SCN9A: variants seen among roughly 807,000 people sequenced by gnomAD.
The protein encoded by SCN9A is sodium voltage-gated channel alpha subunit 9.
A neutral mutation model predicts 187.0 loss-of-function variants in SCN9A; 131 were observed. That is an observed-to-expected ratio of 0.70 (90% CI 0.61 to 0.81). The LOEUF (loss-of-function observed/expected upper bound fraction) is 0.81. Among genes scored for constraint, SCN9A ranks in the 30% least tolerant of loss-of-function variants. The pLI, the probability that SCN9A is intolerant of heterozygous loss-of-function variation, is 0.00. For missense variants in SCN9A, 2,252 were observed against 2,396.6 expected, an observed-to-expected ratio of 0.94 and a Z score of 1.26; for synonymous variants, 809 against 808.6, an observed-to-expected ratio of 1.00 and a Z score of -0.01.
At chr2:166,293,430 C>A (rs758969902) in intron 8 of SCN9A, 58 bp from the exon 9 acceptor site, 349 of 1,434,796 alleles carry the variant, frequency 2.4e-4, no homozygotes, top group Admixed American at 1.5e-3. Context: ...AGCTAAATAG[C>A]CTTACTGAAA....
intron 21 of SCN9A, 42 bp from the exon 22 acceptor site, chr2:166,229,014 G>A (rs1227518758): frequency 6.0e-6 from 9 of 1,494,388 alleles, no homozygotes; most frequent in Non-Finnish European, 7.4e-6. Context: ...GGATTAGTAA[G>A]ATGTTAAATA....
intron 7 of SCN9A, 86 bp downstream of exon 7, chr2:166,303,004 A>T: frequency 9.4e-7 from 1 of 1,068,324 alleles, no homozygotes; most frequent in Non-Finnish European, 1.4e-6. Flanking sequence ...TGAAATGATT[A>T]AAATGAAAGC....
At chr2:166,302,290 G>C (rs1023394454) in intron 7 of SCN9A, 1 of 152,178 alleles carries the variant, frequency 6.6e-6, no homozygotes, top group Non-Finnish European at 1.5e-5. Flanking sequence ...GTTCCAGTGA[G>C]AGACACCATG....
chr2:166,303,039 A>G, intron 7 of SCN9A, 51 bp downstream of exon 7: 1 of 1,262,090 alleles, frequency 7.9e-7, no homozygotes, highest in Non-Finnish European at 1.1e-6. Context: ...AAAAGAGAGC[A>G]ATGTTTTTAG....
chr2:166,244,984 T>TA (rs1423249008), intron 18 of SCN9A, among the ~76,000 whole-genome samples: 1 of 148,386 alleles, frequency 6.7e-6, no homozygotes, highest in Non-Finnish European at 1.5e-5. Flanking sequence ...GCACAAAAAT[T>TA]AAAAAATATC....
intron 3 of SCN9A, 23 bp downstream of exon 3, chr2:166,306,933 T>C (rs751159961): frequency 7.4e-7 from 1 of 1,347,726 alleles, no homozygotes. Flanking sequence ...TGCCACTGGA[T>C]GTAATCATTT....
At chr2:166,241,580 C>A (rs538507615) in intron 19 of SCN9A, among the ~76,000 whole-genome samples, 1 of 152,096 alleles carries the variant, frequency 6.6e-6, no homozygotes, top group Non-Finnish European at 1.5e-5. Context: ...TGCCTCCTTA[C>A]GATTGTATAC....
chr2:166,303,844 T>C (rs1438597443), intron 6 of SCN9A, among the ~76,000 whole-genome samples: 1 of 152,186 alleles, frequency 6.6e-6, no homozygotes, highest in Admixed American at 6.5e-5. Context: ...CAAGTTGAGA[T>C]GTGAGCCAAG....
chr2:166,284,488 C>T lies in SCN9A; in HGVS notation c.1939G>A (p.Glu647Lys), dbSNP rs757785030. 1 of 1,613,974 alleles carries T rather than the reference C, an allele frequency of 6.2e-7. No homozygotes were observed. The highest frequency in any genetic ancestry group is 1.3e-5 in the African/African-American group (1 of 75,048). The change falls in exon 12 of 27, where the codon GAG becomes AAG. Residue 647 changes from glutamate (E) to lysine (K), a missense_variant. By Grantham distance (56) the Glu-to-Lys change is moderately conservative (BLOSUM62 1). Around this residue, in one of 7 missense-constraint regions of SCN9A, gnomAD observed 1,013 missense variants for 997.4 expected, o/e 1.02. Coordinates refer to ENST00000642356, the MANE Select transcript of SCN9A (RefSeq NM_001365536.1). ...GAAGTTGCCTTATCTATTATCACCT[C>T]TGGCAGAAGCTGTCCATTGGGGAGC... ...LMLPNGQLLP[E>K]VIIDKATSDD...
intron 9 of SCN9A, among the ~76,000 whole-genome samples, chr2:166,290,417 G>A (rs184548053): frequency 1.6e-4 from 24 of 152,008 alleles, no homozygotes; most frequent in Middle Eastern, 3.4e-3. Flanking sequence ...ATTTATATTC[G>A]TTTCGGTATA....
At chr2:166,317,665 T>A (rs1331538645) in intron 1 of SCN9A, among the ~76,000 whole-genome samples, 1 of 152,214 alleles carries the variant, frequency 6.6e-6, no homozygotes, top group Non-Finnish European at 1.5e-5. Context: ...AAATATCATA[T>A]CATGTATTTG....
intron 17 of SCN9A, among the ~76,000 whole-genome samples, chr2:166,253,585 T>C (rs1002903119): frequency 1.3e-5 from 2 of 151,850 alleles, no homozygotes; most frequent in African/African-American, 4.8e-5. Context: ...GATAAACTTA[T>C]AATTACTAAT....
intron 18 of SCN9A, among the ~76,000 whole-genome samples, chr2:166,248,914 C>G (rs1695912997): frequency 6.6e-6 from 1 of 152,066 alleles, no homozygotes; most frequent in African/African-American, 2.4e-5. Flanking sequence ...AAGTGATCGC[C>G]CACCTCGGCC....
chr2:166,284,878 C>T, intron 11 of SCN9A, 54 bp from the exon 12 acceptor site: 1 of 1,501,698 alleles, frequency 6.7e-7, no homozygotes, highest in Admixed American at 2.2e-5. Context: ...GATAGAAGTA[C>T]ACTTCATATA....
rs752340291 is a variant in SCN9A, at chr2:166,199,875, A to G, written c.4775-11T>C. ...CAGCTAGAAACATACCTGTATGTGGAGGAAAATAATAGAAATAAAATATTT... is the reference window on the plus strand; with the variant it reads ...CAGCTAGAAACATACCTGTATGTGGGGGAAAATAATAGAAATAAAATATTT... On this transcript the variant is annotated splice_polypyrimidine_tract_variant and intron_variant, in intron 26 of 26. Transcript: ENST00000642356. The G allele has an allele frequency of 1.0e-5, 16 of 1,597,756 alleles. No homozygotes were observed. In the African/African-American group the frequency reaches 1.8e-4, roughly 18 times the overall value.
chr2:166,203,159 A>G (rs1396476625), intron 26 of SCN9A, among the ~76,000 whole-genome samples: 2 of 151,786 alleles, frequency 1.3e-5, no homozygotes, highest in African/African-American at 4.8e-5. Flanking sequence ...TTAAATGCTT[A>G]CTCTGTTATG....
At chr2:166,331,438 G>C (rs1182999026) in intron 1 of SCN9A, among the ~76,000 whole-genome samples, 1 of 152,136 alleles carries the variant, frequency 6.6e-6, no homozygotes, top group African/African-American at 2.4e-5. Flanking sequence ...ATCAGAGCCT[G>C]TACAGTGTCC....
At chr2:166,275,555 G>A (rs1574848727) in intron 16 of SCN9A, among the ~76,000 whole-genome samples, 2 of 149,894 alleles carry the variant, frequency 1.3e-5, no homozygotes, top group Non-Finnish European at 3.0e-5. Flanking sequence ...TTGCACTCCA[G>A]CCTGGGCAAC....
At chr2:166,370,702 T>G (rs1700541060) in intron 1 of SCN9A, among the ~76,000 whole-genome samples, 1 of 152,112 alleles carries the variant, frequency 6.6e-6, no homozygotes, top group South Asian at 2.1e-4. Context: ...TTATCTTTCT[T>G]TAGAGGCTCA....
Sources: allele counts gnomAD v4.1 joint callset (sites outside exome capture counted in the v4.1 genomes callset), GRCh38; gene constraint gnomAD v4.1.1; regional missense constraint gnomAD v4.1.1; transcripts MANE v1.5; gene names NCBI Gene and HGNC (gene_info 2026-07-23, HGNC 2026-07-21).